CCDC148: variants seen among roughly 807,000 people sequenced by gnomAD.
CCDC148 encodes the protein coiled-coil domain-containing protein 148.
CCDC148 carries 89 observed loss-of-function variants against 85.7 expected under a neutral mutation model. The ratio of observed to expected loss-of-function variants is 1.04; its 90% CI spans 0.87 to 1.24. CCDC148 has a LOEUF of 1.24. Ranked by LOEUF, CCDC148 falls within the 50% of genes most tolerant of loss-of-function variation. The pLI, the probability that CCDC148 is intolerant of heterozygous loss-of-function variation, is 0.00. For synonymous variants in CCDC148, 230 were observed against 213.9 expected, an observed-to-expected ratio of 1.08 and a Z score of -0.66; for missense variants, 692 against 671.7, an observed-to-expected ratio of 1.03 and a Z score of -0.33.
chr2:158,231,666 C>T (rs1687863112), intron 10 of CCDC148, among the ~76,000 whole-genome samples: 1 of 152,152 alleles, frequency 6.6e-6, no homozygotes, highest in South Asian at 2.1e-4. Context: ...CAGCATTTCC[C>T]ATATTAATCT....
chr2:158,294,240 C>T (rs1048256754), intron 9 of CCDC148, among the ~76,000 whole-genome samples: 6 of 152,104 alleles, frequency 3.9e-5, no homozygotes, highest in Non-Finnish European at 8.8e-5. Context: ...TGTGTACATG[C>T]TGTTGCTTGT....
chr2:158,264,561 G>C (rs1689373886), intron 9 of CCDC148, among the ~76,000 whole-genome samples: 1 of 152,000 alleles, frequency 6.6e-6, no homozygotes, highest in Admixed American at 6.6e-5. Context: ...AATATACCTG[G>C]GGGAAAAGGA....
intron 1 of CCDC148, among the ~76,000 whole-genome samples, chr2:158,438,541 A>T (rs1687777247): frequency 1.3e-5 from 2 of 152,310 alleles, no homozygotes; most frequent in African/African-American, 2.4e-5. Flanking sequence ...AACCTAGGCA[A>T]TACCATTCAG....
chr2:158,415,838 G>A (rs1686474949), intron 1 of CCDC148, among the ~76,000 whole-genome samples: 1 of 152,090 alleles, frequency 6.6e-6, no homozygotes, highest in South Asian at 2.1e-4. Context: ...GGAGGATGAT[G>A]GCCCTATTCT....
intron 12 of CCDC148, among the ~76,000 whole-genome samples, chr2:158,177,672 T>C (rs1558958790): frequency 6.6e-6 from 1 of 152,176 alleles, no homozygotes. Flanking sequence ...ATAACTAAAA[T>C]TTTGTAGGAT....
rs1378969960 is a variant in CCDC148 at position 158,225,478 on chromosome 2, C to T, written c.1252-4765G>A. On this transcript the variant is annotated intron_variant, in intron 10 of 13. Transcript: ENST00000283233. ...AACTAATAGACATCTACAGAACTCTCCACCCCAAATCAACAGAATATACAT... is the reference window on the plus strand; with the variant it reads ...AACTAATAGACATCTACAGAACTCTTCACCCCAAATCAACAGAATATACAT... 2.6e-5 allele frequency among the ~76,000 whole-genome samples: 4 copies of T among 152,250 alleles called. No homozygotes were observed. The East Asian group carries it at 7.7e-4, about 29-fold the overall frequency.
intron 11 of CCDC148, among the ~76,000 whole-genome samples, chr2:158,213,167 T>C (rs557777716): frequency 1.3e-5 from 2 of 152,302 alleles, no homozygotes; most frequent in South Asian, 4.1e-4. Context: ...GCTCTAGTGT[T>C]ACATGAGCAT....
intron 10 of CCDC148, among the ~76,000 whole-genome samples, chr2:158,249,204 T>C (rs906177819): frequency 6.6e-6 from 1 of 152,174 alleles, no homozygotes; most frequent in Admixed American, 6.6e-5. Context: ...AATCTCTTCA[T>C]ATGACATTTA....
intron 11 of CCDC148, among the ~76,000 whole-genome samples, chr2:158,190,821 G>T (rs1320984970): frequency 6.6e-6 from 1 of 151,888 alleles, no homozygotes; most frequent in Non-Finnish European, 1.5e-5. Context: ...ATAAGCATGG[G>T]TGATTAGTTT....
chr2:158,184,386 T>A (rs3914923), intron 11 of CCDC148, among the ~76,000 whole-genome samples: 27,307 of 152,074 alleles, frequency 0.18, 2,604 homozygotes, highest in Non-Finnish European at 0.21. Flanking sequence ...GCACCTACTA[T>A]GTGTCAAGCA....
intron 2 of CCDC148, among the ~76,000 whole-genome samples, chr2:158,351,950 C>T (rs987893066): frequency 6.9e-6 from 1 of 145,588 alleles, no homozygotes; most frequent in Admixed American, 6.8e-5. Flanking sequence ...TGGGAGGCAC[C>T]CCCCAGCAGG....
At chr2:158,365,595 G>T (rs980994707) in intron 1 of CCDC148, among the ~76,000 whole-genome samples, 2 of 152,142 alleles carry the variant, frequency 1.3e-5, no homozygotes, top group African/African-American at 4.8e-5. Context: ...TCATAAGTGG[G>T]AGTTGAACAA....
intron 2 of CCDC148, among the ~76,000 whole-genome samples, chr2:158,352,836 G>A (rs1055408058): frequency 2.7e-4 from 41 of 152,060 alleles, no homozygotes; most frequent in Non-Finnish European, 5.3e-4. Flanking sequence ...GAAAGGTCGG[G>A]TTACTCTCAA....
At chr2:158,175,020 T>C (rs935085333) in intron 13 of CCDC148, among the ~76,000 whole-genome samples, 13 of 152,156 alleles carry the variant, frequency 8.5e-5, no homozygotes, top group African/African-American at 2.2e-4. Flanking sequence ...AGACCTACTA[T>C]GCTTTTCAGC....
chr2:158,326,006 T>C (rs1334676801), intron 7 of CCDC148, among the ~76,000 whole-genome samples: 3 of 152,148 alleles, frequency 2.0e-5, no homozygotes, highest in Non-Finnish European at 4.4e-5. Flanking sequence ...ATTTTGTCAC[T>C]CTGCTCACTT....
chr2:158,357,804 A>T (rs949418105), intron 2 of CCDC148, among the ~76,000 whole-genome samples: 6 of 152,210 alleles, frequency 3.9e-5, no homozygotes, highest in Non-Finnish European at 7.3e-5. Flanking sequence ...TTTTAAATAC[A>T]AATAACTTGT....
intron 9 of CCDC148, among the ~76,000 whole-genome samples, chr2:158,265,778 T>A (rs1435029267): frequency 6.6e-6 from 1 of 152,090 alleles, no homozygotes; most frequent in Admixed American, 6.6e-5. Context: ...CCAACATATC[T>A]CCAAAAGCAG....
At chr2:158,280,953 A>G (rs1470289791) in intron 9 of CCDC148, among the ~76,000 whole-genome samples, 2 of 152,246 alleles carry the variant, frequency 1.3e-5, no homozygotes, top group African/African-American at 2.4e-5. Context: ...CAATCAAACT[A>G]GAACTCAGGA....
chr2:158,181,663 G>A (rs1397477175), intron 11 of CCDC148, among the ~76,000 whole-genome samples: 1 of 152,106 alleles, frequency 6.6e-6, no homozygotes, highest in Non-Finnish European at 1.5e-5. Context: ...TAGAAAGAAT[G>A]ATTCAGACAA....
Sources: allele counts gnomAD v4.1 joint callset (sites outside exome capture counted in the v4.1 genomes callset), GRCh38; gene constraint gnomAD v4.1.1; transcripts MANE v1.5; gene names NCBI Gene and HGNC (gene_info 2026-07-23, HGNC 2026-07-21).